SLC29A1: variants seen among roughly 807,000 people sequenced by gnomAD.
The protein encoded by SLC29A1 is equilibrative nucleoside transporter 1.
SLC29A1 carries 22 observed loss-of-function variants against 48.3 expected under a neutral mutation model. That is an observed-to-expected ratio of 0.46 (90% CI 0.33 to 0.65). The LOEUF (loss-of-function observed/expected upper bound fraction) is 0.65, where lower values mean the gene tolerates loss of function less well. SLC29A1 is among the 30% of genes least tolerant of loss of function. The pLI is 0.03. For missense variants in SLC29A1, 491 were observed against 575.3 expected, an observed-to-expected ratio of 0.85 and a Z score of 1.50; for synonymous variants, 228 against 231.0, an observed-to-expected ratio of 0.99 and a Z score of 0.12.
upstream of SLC29A1, among the ~76,000 whole-genome samples, chr6:44,221,374 C>T (rs1776399601): frequency 6.6e-6 from 1 of 152,230 alleles, no homozygotes; most frequent in African/African-American, 2.4e-5. This position sits in a 1 kb window ranked among gnomAD's most constrained non-coding sequence, Gnocchi z 4.2. Context: ...AGCAAACACA[C>T]TTCCAGCAAA....
At chr6:44,227,090 G>T in intron 1 of SLC29A1, 173 bp from the exon 2 acceptor site, 1 of 1,410,396 alleles carries the variant, frequency 7.1e-7, no homozygotes, top group Non-Finnish European at 9.2e-7. Context: ...TGCTGGGCCA[G>T]GGGGCTGGGT....
rs1208859181 is a variant in SLC29A1, at chr6:44,232,520, G to A, written c.1059+92G>A. On this transcript the variant is annotated intron_variant, in intron 11 of 12. Coordinates refer to ENST00000371755, the MANE Select transcript of SLC29A1 (RefSeq NM_001372327.1). The surrounding 1 kb of genome is among the most constrained non-coding windows in gnomAD (Gnocchi z 4.7). The stretch of plus-strand genomic sequence containing the variant: ...AACCCAAGAAAGTATGGTAGTAAGG[G>A]GACCATTTGTTTTAAAGTCGAGGCA... 1.2e-6 allele frequency: 1 copy of A among 846,190 alleles called. No homozygotes were observed. Among genetic ancestry groups the A allele is most frequent in the East Asian group, 2.4e-5 (1 of 41,336 alleles). 52.4% of individuals were successfully genotyped at this position (846,190 alleles called of 1,614,324 possible). A position where few individuals can be genotyped will look rare whatever the true frequency, so the allele number is the denominator to read the frequency against.
chr6:44,230,181 C>G (rs1271092292), intron 5 of SLC29A1, 135 bp downstream of exon 5: 1 of 1,479,754 alleles, frequency 6.8e-7, no homozygotes, highest in African/African-American at 1.4e-5. Flanking sequence ...AGCTGGGATT[C>G]AGAGGCCTGA....
Position 44,233,649 on chromosome 6 carries a change from C to T in SLC29A1, c.*121C>T, listed in dbSNP as rs546769025. 1.4e-5 allele frequency: 11 copies of T among 771,788 alleles called. No individual in the cohort carries two copies. Among genetic ancestry groups the T allele is most frequent in the Admixed American group, 4.3e-5 (2 of 46,500 alleles). The allele number at this position is 771,788 out of a possible 1,614,324, so 47.8% of individuals were successfully genotyped here. On this transcript the variant is annotated 3_prime_UTR_variant, in exon 13 of 13. Coordinates refer to ENST00000371755, the MANE Select transcript of SLC29A1 (RefSeq NM_001372327.1). ...TCTTCTAACTGACTTCTGCTTTCCACGGCGTGTGCTGGGCCCGGATCTCCA... is the reference window on the plus strand; with the variant it reads ...TCTTCTAACTGACTTCTGCTTTCCATGGCGTGTGCTGGGCCCGGATCTCCA...
rs796353310 is a variant in SLC29A1, at chr6:44,232,623, C to G, written c.1060-184C>G. 7 of 649,218 alleles carry G rather than the reference C, an allele frequency of 1.1e-5. No individual in the cohort carries two copies. The highest frequency in any genetic ancestry group is 5.6e-5 in the South Asian group (3 of 53,512). 40.2% of individuals were successfully genotyped at this position (649,218 alleles called of 1,614,324 possible). ...TGTATATACACATACCTGCCCAGAT[C>G]GAGATGTAGAATATTTCCAGCACTC... On this transcript the variant is annotated intron_variant, in intron 11 of 12. Transcript: ENST00000371755. The surrounding 1 kb of genome is among the most constrained non-coding windows in gnomAD (Gnocchi z 4.7).
chr6:44,228,956 G>C (rs1034213037), intron 2 of SLC29A1, among the ~76,000 whole-genome samples: 1 of 152,208 alleles, frequency 6.6e-6, no homozygotes, highest in Non-Finnish European at 1.5e-5. Flanking sequence ...GAGTAACACA[G>C]TCCCTGACCA....
At chr6:44,225,969 C>G (rs731780) in intron 1 of SLC29A1, 3,726 of 231,858 alleles carry the variant, frequency 0.016, 132 homozygotes, top group African/African-American at 0.08. Context: ...TCTTTGCTTG[C>G]AAGGCTTCTC....
chr6:44,220,080 T>C (rs1161195934), upstream of SLC29A1, among the ~76,000 whole-genome samples: 3 of 152,150 alleles, frequency 2.0e-5, no homozygotes, highest in Non-Finnish European at 2.9e-5. Flanking sequence ...CAGACCTAAC[T>C]GAACAAAGAA....
rs767780420 is a variant in SLC29A1, at chr6:44,230,628, T to C, written c.650T>C (p.Ile217Thr). The C allele has an allele frequency of 2.5e-6, 4 of 1,613,790 alleles. No homozygotes were observed. The Admixed American group carries it at 5.0e-5, about 20-fold the overall frequency. Residue 217 changes from isoleucine (I) to threonine (T), a missense_variant, in exon 7 of 13, where the codon ATT (isoleucine) becomes ACT (threonine). Ile to Thr is a moderately conservative substitution (Grantham distance 89). Coordinates refer to ENST00000371755, the MANE Select transcript of SLC29A1 (RefSeq NM_001372327.1). The stretch of plus-strand genomic sequence containing the variant: ...TTTATCACAGCCTGTGCTGTTATCA[T>C]TTTGACCATCATCTGTTACCTGGGC... Reference protein sequence around the residue: ...GYFITACAVIILTIICYLGLP... With the variant: ...GYFITACAVITLTIICYLGLP...
Position 44,229,882 on chromosome 6 carries a change from T to G in SLC29A1, c.315-25T>G. The G allele has an allele frequency of 6.2e-7, 1 of 1,612,250 alleles. No homozygotes were observed. Among genetic ancestry groups the G allele is most frequent in the South Asian group, 1.1e-5 (1 of 91,070 alleles). On this transcript the variant is annotated intron_variant, in intron 4 of 12. Coordinates refer to ENST00000371755, the MANE Select transcript of SLC29A1 (RefSeq NM_001372327.1). This position sits in a 1 kb window ranked among gnomAD's most constrained non-coding sequence, Gnocchi z 5.1. ...AGCCCCAGCTTTGCCCACTTGTCTC[T>G]GCCACCCTTGGCCTCTCCCGGCAGG...
chr6:44,228,422 G>T (rs566551527), intron 2 of SLC29A1, among the ~76,000 whole-genome samples: 6 of 152,218 alleles, frequency 3.9e-5, no homozygotes, highest in African/African-American at 1.2e-4. Flanking sequence ...GGGTTGGGGG[G>T]GCTGCAGTTG....
intron 9 of SLC29A1, 61 bp from the exon 10 acceptor site, chr6:44,231,937 C>T: frequency 3.1e-6 from 4 of 1,288,518 alleles, no homozygotes; most frequent in Non-Finnish European, 4.5e-6. Context: ...ATTCGTGGTT[C>T]TTTAATGCAC....
At chr6:44,231,164 G>A (rs1308891080) in intron 8 of SLC29A1, among the ~76,000 whole-genome samples, 200 bp from the exon 9 acceptor site, 2 of 152,178 alleles carry the variant, frequency 1.3e-5, no homozygotes, top group Non-Finnish European at 2.9e-5. Context: ...AACATGACCT[G>A]AGGCTCCTGG....
intron 2 of SLC29A1, among the ~76,000 whole-genome samples, chr6:44,228,800 G>A (rs529814419): frequency 6.6e-6 from 1 of 152,348 alleles, no homozygotes; most frequent in Admixed American, 6.5e-5. Context: ...GCCTGCCCTG[G>A]GTGGTATGAA....
chr6:44,230,240 C>A, intron 5 of SLC29A1, 107 bp from the exon 6 acceptor site: 3 of 1,532,782 alleles, frequency 2.0e-6, no homozygotes, highest in Non-Finnish European at 2.7e-6. Flanking sequence ...GGCAGCTCAG[C>A]CTCAAGGCTC....
chr6:44,220,188 A>G (rs1776179560), upstream of SLC29A1, among the ~76,000 whole-genome samples: 1 of 151,884 alleles, frequency 6.6e-6, no homozygotes, highest in Non-Finnish European at 1.5e-5. Context: ...AGTCTTTAAA[A>G]AAAAACAAAA....
At position 44,233,479 on chromosome 6, in the gene SLC29A1, G is replaced by A. The variant is rs775775733; in HGVS notation, c.1322G>A (p.Gly441Asp). The A allele has an allele frequency of 6.2e-7, 1 of 1,614,162 alleles. No homozygotes were observed. Among genetic ancestry groups the A allele is most frequent in the Non-Finnish European group, 8.5e-7 (1 of 1,180,008 alleles). Reference sequence around the variant, plus strand: ...ATCATGGCCTTCTTCCTGTGTCTGGGTCTGGCACTGGGGGCTGTTTTCTCC... The same window carrying A: ...ATCATGGCCTTCTTCCTGTGTCTGGATCTGGCACTGGGGGCTGTTTTCTCC... ...GAIMAFFLCL[G>D]LALGAVFSFL... Residue 441 changes from glycine (G) to aspartate (D), a missense_variant, in exon 13 of 13, where the codon GGT (glycine) becomes GAT (aspartate). Coordinates refer to ENST00000371755, the MANE Select transcript of SLC29A1 (RefSeq NM_001372327.1).
rs777782373 is a variant in SLC29A1, at chr6:44,229,546, A to G, written c.112-43A>G. On this transcript the variant is annotated intron_variant, in intron 3 of 12. Coordinates refer to ENST00000371755, the MANE Select transcript of SLC29A1 (RefSeq NM_001372327.1). This position sits in a 1 kb window ranked among gnomAD's most constrained non-coding sequence, Gnocchi z 5.1. ...AGGATCTGACTCTGTGCTGGTAGGC[A>G]CAGGGAAAGAGATTTCAACACTCCT... 59 of 1,611,480 alleles carry G rather than the reference A, an allele frequency of 3.7e-5. No homozygotes were observed. The highest frequency in any genetic ancestry group is 1.2e-4 in the Admixed American group (7 of 59,986).
At position 44,230,699 on chromosome 6, in the gene SLC29A1, T is replaced by A. The variant is rs1383880978; in HGVS notation, c.687+34T>A. 3 of 1,172,726 alleles carry A rather than the reference T, an allele frequency of 2.6e-6. No homozygotes were observed. In the African/African-American group the frequency reaches 6.1e-5, roughly 24 times the overall value. 72.6% of individuals were successfully genotyped at this position (1,172,726 alleles called of 1,614,324 possible). ...ATGGAGGGAGCTGGGGTTTGGGGTA[T>A]AGGGGTCTGGGGTTCCAGACCACGG... On this transcript the variant is annotated intron_variant, in intron 7 of 12. Coordinates refer to ENST00000371755, the MANE Select transcript of SLC29A1 (RefSeq NM_001372327.1).
Sources: allele counts gnomAD v4.1 joint callset (sites outside exome capture counted in the v4.1 genomes callset), GRCh38; gene constraint gnomAD v4.1.1; non-coding constraint Gnocchi (gnomAD v3.1); transcripts MANE v1.5; gene names NCBI Gene and HGNC (gene_info 2026-07-23, HGNC 2026-07-21).